Variants in SLC25A26 observed in about 807,000 individuals in gnomAD.
The protein encoded by SLC25A26 is mitochondrial S-adenosylmethionine carrier protein.
Under a neutral mutation model 37.8 loss-of-function variants are expected in SLC25A26, and 36 were observed. That is an observed-to-expected ratio of 0.95 (90% CI 0.73 to 1.26). The LOEUF is 1.26. Ranked by LOEUF, SLC25A26 falls within the 50% of genes most tolerant of loss-of-function variation. The pLI is 0.00. For synonymous variants in SLC25A26, 129 were observed against 122.5 expected (o/e 1.05, Z -0.35); for missense variants, 390 against 331.1 (o/e 1.18, Z -1.38).
intron 1 of SLC25A26, among the ~76,000 whole-genome samples, chr3:66,148,798 T>A (rs79933518): frequency 0.011 from 1,709 of 152,294 alleles, 36 homozygotes; most frequent in African/African-American, 0.04. Context: ...GCTTAAGTGA[T>A]CTTCCTGTGT....
rs370608699 is a variant in SLC25A26, at chr3:66,276,721, T to C, written c.453+13342T>C. 5.3e-5 allele frequency among the ~76,000 whole-genome samples: 8 copies of C among 152,200 alleles called. No homozygotes were observed. The East Asian group carries it at 1.5e-3, about 29-fold the overall frequency. On this transcript the variant is annotated intron_variant, in intron 5 of 9. Coordinates refer to ENST00000354883, the MANE Select transcript of SLC25A26 (RefSeq NM_001379210.1). ...GATAATCTTTGGCCTTGAAGTGGTT[T>C]TGGTATACATAGCCAAGTAACTAGC...
intron 1 of SLC25A26, among the ~76,000 whole-genome samples, chr3:66,188,888 T>A (rs1444345662): frequency 3.9e-5 from 6 of 151,942 alleles, no homozygotes; most frequent in African/African-American, 1.5e-4. Context: ...GCCTTGACCT[T>A]TACACCACCC....
chr3:66,193,565 T>C (rs933015331), intron 1 of SLC25A26, among the ~76,000 whole-genome samples: 10 of 152,092 alleles, frequency 6.6e-5, no homozygotes, highest in Admixed American at 5.9e-4. Context: ...CACAAATAAA[T>C]AAATAAGCAA....
At position 66,174,654 on chromosome 3, in the gene SLC25A26, C is replaced by T. The variant is rs541313116; in HGVS notation, c.-354+40670C>T. On this transcript the variant is annotated intron_variant, in intron 1 of 10. Coordinates refer to the SLC25A26 transcript ENST00000676754. ...AGAAAAAATTAGCTGGGCATGGTGG[C>T]GGGCGCCTGTAGTCCCACCTACTCG... Among the ~76,000 whole-genome samples, 13 of 152,042 alleles carry T rather than the reference C, an allele frequency of 8.6e-5. No individual in the cohort carries two copies. In the South Asian group the frequency reaches 2.5e-3, roughly 29 times the overall value.
At chr3:66,374,122 C>T (rs999047891) in intron 9 of SLC25A26, among the ~76,000 whole-genome samples, 1 of 152,176 alleles carries the variant, frequency 6.6e-6, no homozygotes, top group Non-Finnish European at 1.5e-5. Flanking sequence ...CTAGTTTTGC[C>T]TTCATTAACT....
intron 5 of SLC25A26, among the ~76,000 whole-genome samples, chr3:66,323,310 A>G (rs1028600711): frequency 1.3e-5 from 2 of 152,244 alleles, no homozygotes; most frequent in African/African-American, 4.8e-5. Flanking sequence ...AGTGATAAAA[A>G]TAATACTCTG....
chr3:66,369,089 A>G lies in SLC25A26; in HGVS notation c.569-389A>G, dbSNP rs114308698. Among the ~76,000 whole-genome samples the G allele has an allele frequency of 6.0e-3, 901 of 150,004 alleles. 10 individuals are homozygous for G. The highest frequency in any genetic ancestry group is 0.02 in the African/African-American group (818 of 40,572). On this transcript the variant is annotated intron_variant, in intron 7 of 9. Coordinates refer to ENST00000354883, the MANE Select transcript of SLC25A26 (RefSeq NM_001379210.1). Reference sequence around the variant, plus strand: ...AAAAGACAGTGGCCTATAGAAAGTCATGAACCCTTTGAGAACCATTAGGAG... The same window carrying G: ...AAAAGACAGTGGCCTATAGAAAGTCGTGAACCCTTTGAGAACCATTAGGAG...
intron 5 of SLC25A26, among the ~76,000 whole-genome samples, chr3:66,297,008 A>G (rs2074923624): frequency 1.3e-5 from 2 of 152,224 alleles, no homozygotes; most frequent in East Asian, 1.9e-4. Context: ...CCTCCCATTT[A>G]TAAGTAATAA....
intron 5 of SLC25A26, among the ~76,000 whole-genome samples, chr3:66,328,941 A>G (rs543420700): frequency 3.3e-4 from 50 of 152,274 alleles, no homozygotes; most frequent in African/African-American, 1.1e-3. Flanking sequence ...AACCTTTTTA[A>G]AAATCCAAAA....
chr3:66,290,949 C>T (rs1258007163), intron 5 of SLC25A26, among the ~76,000 whole-genome samples: 4 of 151,900 alleles, frequency 2.6e-5, no homozygotes, highest in African/African-American at 7.3e-5. Context: ...GGTACTGGGC[C>T]TTTTTTGGTT....
intron 1 of SLC25A26, among the ~76,000 whole-genome samples, chr3:66,171,103 G>A (rs1408447308): frequency 6.6e-6 from 1 of 152,130 alleles, no homozygotes; most frequent in Non-Finnish European, 1.5e-5. Context: ...GCGCCCGGCC[G>A]TGATTATTGT....
At chr3:66,356,212 A>ACGGC in intron 6 of SLC25A26, 1 of 386,384 alleles carries the variant, frequency 2.6e-6, no homozygotes. Flanking sequence ...TACTTTAAAT[A>ACGGC]GAAGACACTT....
At chr3:66,182,512 T>C (rs2070731683) in intron 1 of SLC25A26, among the ~76,000 whole-genome samples, 1 of 152,092 alleles carries the variant, frequency 6.6e-6, no homozygotes, top group Admixed American at 6.5e-5. Context: ...GAAAACACTG[T>C]TTCATAGAGT....
intron 5 of SLC25A26, among the ~76,000 whole-genome samples, chr3:66,326,101 C>T (rs2075830819): frequency 6.6e-6 from 1 of 152,164 alleles, no homozygotes; most frequent in Non-Finnish European, 1.5e-5. Context: ...ATTTCTGACA[C>T]AACCACCTGG....
chr3:66,322,404 G>C (rs111367981), intron 5 of SLC25A26, among the ~76,000 whole-genome samples: 9 of 152,278 alleles, frequency 5.9e-5, no homozygotes, highest in South Asian at 2.1e-4. Context: ...ATAAAAATTC[G>C]ATCAGTGGTT....
intron 2 of SLC25A26, 29 bp from the exon 3 acceptor site, chr3:66,243,174 G>T (rs782515937): frequency 2.6e-6 from 3 of 1,153,376 alleles, no homozygotes; most frequent in Non-Finnish European, 3.9e-6. Context: ...TTTAAACTTT[G>T]TGAAAGACTG....
chr3:66,250,569 A>G (rs1043332243), intron 3 of SLC25A26, among the ~76,000 whole-genome samples: 1 of 152,146 alleles, frequency 6.6e-6, no homozygotes, highest in Non-Finnish European at 1.5e-5. Flanking sequence ...GTGCTGGTGT[A>G]AGTATTCTGA....
intron 5 of SLC25A26, among the ~76,000 whole-genome samples, chr3:66,331,139 T>G (rs1214604445): frequency 6.6e-6 from 1 of 152,152 alleles, no homozygotes; most frequent in Non-Finnish European, 1.5e-5. Flanking sequence ...TCTAAACTTC[T>G]GGGTTTTCTA....
intron 1 of SLC25A26, among the ~76,000 whole-genome samples, chr3:66,196,147 G>GT (rs1383051275): frequency 0.18 from 27,352 of 151,782 alleles, 2,543 homozygotes; most frequent in African/African-American, 0.2. Context: ...TAATCAGTCT[G>GT]TTTTTTTTCT....
Sources: allele counts gnomAD v4.1 joint callset (sites outside exome capture counted in the v4.1 genomes callset), GRCh38; gene constraint gnomAD v4.1.1; transcripts MANE v1.5; gene names NCBI Gene and HGNC (gene_info 2026-07-23, HGNC 2026-07-21).